AFDN: variants seen among roughly 807,000 people sequenced by gnomAD.
AFDN encodes afadin, adherens junction formation factor.
AFDN carries 68 observed loss-of-function variants against 216.6 expected under a neutral mutation model. The observed-to-expected ratio is 0.31, with a 90% CI of 0.26 to 0.38. The LOEUF is 0.38. Ranked by LOEUF, AFDN falls within the 10% of genes least tolerant of loss-of-function variation. The pLI, the probability that AFDN is intolerant of heterozygous loss-of-function variation, is 1.00. For synonymous variants in AFDN, 868 were observed against 853.7 expected, an observed-to-expected ratio of 1.02 and a Z score of -0.29; for missense variants, 2,136 against 2,342.0, an observed-to-expected ratio of 0.91 and a Z score of 1.82.
intron 5 of AFDN, among the ~76,000 whole-genome samples, chr6:167,876,679 G>A (rs1785423465): frequency 6.6e-6 from 1 of 152,136 alleles, no homozygotes; most frequent in East Asian, 1.9e-4. Context: ...GGTAAACATA[G>A]CTAGCTTAGA....
At chr6:167,883,162 A>C (rs995635724) in intron 6 of AFDN, among the ~76,000 whole-genome samples, 1 of 152,154 alleles carries the variant, frequency 6.6e-6, no homozygotes, top group Admixed American at 6.6e-5. Flanking sequence ...AGAGAAGGGA[A>C]TTCCAAGGAT....
At chr6:167,902,980 T>C (rs1789182403) in intron 12 of AFDN, among the ~76,000 whole-genome samples, 1 of 152,234 alleles carries the variant, frequency 6.6e-6, no homozygotes, top group Non-Finnish European at 1.5e-5. Context: ...TCATGTTTGC[T>C]AGGCTTTCTC....
Position 167,890,850 on chromosome 6 carries a change from C to CTG in AFDN, c.1010-11_1010-10dup. 6.2e-7 allele frequency: 1 copy of CTG among 1,611,184 alleles called. No homozygotes were observed. Among genetic ancestry groups the CTG allele is most frequent in the Non-Finnish European group, 8.5e-7 (1 of 1,178,676 alleles). On this transcript the variant is annotated splice_polypyrimidine_tract_variant and intron_variant, in intron 7 of 33. Transcript: ENST00000683244. ...TGAGTCTGCCTGATGATTTCCCATGCTGCTGTTCTAGGGATTTTAGTCTTT... is the reference window on the plus strand; with the variant it reads ...TGAGTCTGCCTGATGATTTCCCATGCTGTGCTGTTCTAGGGATTTTAGTCTTT...
chr6:167,924,815 G>A (rs1181954008), intron 22 of AFDN, 190 bp from the exon 23 acceptor site: 7 of 613,072 alleles, frequency 1.1e-5, no homozygotes, highest in Admixed American at 2.4e-5. Context: ...CAAGAATATC[G>A]ATTTAGTTTA....
chr6:167,834,457 G>GTTTTTTTTTTT (rs11446838), intron 1 of AFDN, among the ~76,000 whole-genome samples: 4 of 75,246 alleles, frequency 5.3e-5, no homozygotes, highest in Admixed American at 4.0e-4. Context: ...TGTTGTTTCG[G>GTTTTTTTTTTT]TTTTTTTTTT....
intron 5 of AFDN, among the ~76,000 whole-genome samples, chr6:167,876,136 C>CT (rs1184657143): frequency 5.9e-5 from 9 of 152,154 alleles, no homozygotes; most frequent in African/African-American, 1.7e-4. Flanking sequence ...GCTCAGGACT[C>CT]TATTTCTCCT....
chr6:167,971,895 CTT>C lies in AFDN; in HGVS notation c.*1962_*1963del, dbSNP rs1216678372. 4.0e-5 allele frequency: 8 copies of C among 201,596 alleles called. No homozygotes were observed. Among genetic ancestry groups the C allele is most frequent in the Non-Finnish European group, 7.1e-5 (7 of 98,022 alleles). The allele number at this position is 201,596 out of a possible 1,614,324, so 12.5% of individuals were successfully genotyped here. ...TCAGTTGCAACCTATTTTTAATAAA[CTT>C]TGTATGTATTTAAGTGTATTTGCTA... On this transcript the variant is annotated 3_prime_UTR_variant, in exon 34 of 34. Transcript: ENST00000683244.
chr6:167,962,512 AG>A lies in AFDN; in HGVS notation c.4915del (p.Glu1639LysfsTer113). On this transcript the variant is annotated frameshift_variant, in exon 31 of 34. Coordinates refer to ENST00000683244, the MANE Select transcript of AFDN (RefSeq NM_001386888.1). LOFTEE classifies it high-confidence loss of function. The surrounding 1 kb of genome is among the most constrained non-coding windows in gnomAD (Gnocchi z 5.2). ...KREAEDRARQ[E>X]EERRRQEEER... is the part of the protein sequence containing the mutation. ...GAAGCGGAAGACCGAGCGAGGCAAG[AG>A]GAAGAGCGCCGGCGGCAGGAGGAGG... The A allele has an allele frequency of 6.2e-7, 1 of 1,613,898 alleles. No individual in the cohort carries two copies. The highest frequency in any genetic ancestry group is 8.5e-7 in the Non-Finnish European group (1 of 1,179,772).
At chr6:167,904,279 G>A (rs1298626047) in intron 12 of AFDN, among the ~76,000 whole-genome samples, 3 of 151,848 alleles carry the variant, frequency 2.0e-5, no homozygotes, top group East Asian at 3.9e-4. Context: ...CATGATCTCG[G>A]CTCACTGCAA....
chr6:167,901,586 C>T (rs1788959209), intron 11 of AFDN, among the ~76,000 whole-genome samples: 1 of 152,056 alleles, frequency 6.6e-6, no homozygotes, highest in South Asian at 2.1e-4. Context: ...AGTAGTGATA[C>T]TCATGTGCTT....
intron 3 of AFDN, 71 bp from the exon 4 acceptor site, chr6:167,872,143 T>C: frequency 6.9e-7 from 1 of 1,446,412 alleles, no homozygotes; most frequent in Admixed American, 2.1e-5. Flanking sequence ...GAGATGAAGT[T>C]ACCTAAGCCG....
At chr6:167,908,887 T>G (rs1278731649) in intron 13 of AFDN, among the ~76,000 whole-genome samples, 1 of 152,206 alleles carries the variant, frequency 6.6e-6, no homozygotes, top group Non-Finnish European at 1.5e-5. Flanking sequence ...ACTACTTAAT[T>G]TAACTGATGC....
rs772288791 is a variant in AFDN, at chr6:167,954,411, T to C, written c.4833+2224T>C. On this transcript the variant is annotated intron_variant, in intron 30 of 33. Coordinates refer to ENST00000683244, the MANE Select transcript of AFDN (RefSeq NM_001386888.1). The stretch of plus-strand genomic sequence containing the variant: ...TACAGGTCTAAACCTAACTTTTTTT[T>C]CCACACTTCATCTTTCTTTTTTTTT... The C allele has an allele frequency of 9.7e-6, 15 of 1,540,552 alleles. No homozygotes were observed. The Admixed American group carries it at 1.5e-4, about 15-fold the overall frequency.
Position 167,946,764 on chromosome 6 carries a change from A to G in AFDN, c.3416A>G (p.Tyr1139Cys). ...PRPKSEGFEL[Y>C]NNSTQNGSPE... The stretch of plus-strand genomic sequence containing the variant: ...CCAAAGAGTGAAGGCTTTGAGCTCT[A>G]TAATAATTCAACTCAAAATGGGTCT... Residue 1139 changes from tyrosine (Y) to cysteine (C), a missense_variant, in exon 27 of 34, where the codon TAT becomes TGT. Tyr to Cys is a radical substitution (Grantham distance 194, BLOSUM62 -2). Transcript: ENST00000683244. 6.2e-7 allele frequency: 1 copy of G among 1,614,076 alleles called. No individual in the cohort carries two copies. The highest frequency in any genetic ancestry group is 8.5e-7 in the Non-Finnish European group (1 of 1,179,984).
At chr6:167,837,641 C>T (rs1226779328) in intron 1 of AFDN, among the ~76,000 whole-genome samples, 1 of 152,142 alleles carries the variant, frequency 6.6e-6, no homozygotes, top group African/African-American at 2.4e-5. Context: ...TTTTTACGTT[C>T]TCCTGTGAGG....
intron 12 of AFDN, 131 bp from the exon 13 acceptor site, chr6:167,907,035 CTTTGT>C: frequency 1.5e-6 from 1 of 647,044 alleles, no homozygotes; most frequent in Non-Finnish European, 2.7e-6. Context: ...CCCAGCATTG[CTTTGT>C]TATTTCCTGG....
At chr6:167,939,164 T>C (rs1431346209) in intron 23 of AFDN, among the ~76,000 whole-genome samples, 4 of 152,252 alleles carry the variant, frequency 2.6e-5, no homozygotes, top group African/African-American at 7.2e-5. Flanking sequence ...CTAAAAATGC[T>C]GTATTACTAA....
chr6:167,946,999 C>T, intron 27 of AFDN, 98 bp downstream of exon 27: 2 of 1,079,772 alleles, frequency 1.9e-6, no homozygotes, highest in Non-Finnish European at 2.7e-6. Context: ...AAATTATTCT[C>T]TGCAAACATT....
At chr6:167,918,683 T>C (rs1562671876) in intron 20 of AFDN, 52 bp from the exon 21 acceptor site, 1 of 1,554,578 alleles carries the variant, frequency 6.4e-7, no homozygotes, top group Non-Finnish European at 8.9e-7. Context: ...GTTGGTCACA[T>C]GCACCAGGCA....
Sources: gnomAD v4.1 joint callset for allele counts (sites outside exome capture counted in the v4.1 genomes callset) on GRCh38, gnomAD v4.1.1 for gene constraint, Gnocchi (gnomAD v3.1) non-coding constraint, MANE v1.5 for transcripts, NCBI Gene and HGNC (gene_info 2026-07-23, HGNC 2026-07-21) for gene names.